The following EFR3A variants were observed in gnomAD, a reference collection of about 807,000 sequenced individuals.
EFR3A encodes the protein protein EFR3 homolog A.
Under a neutral mutation model 104.4 loss-of-function variants are expected in EFR3A, and 76 were observed. That is an observed-to-expected ratio of 0.73 (90% CI 0.60 to 0.88). The LOEUF (loss-of-function observed/expected upper bound fraction) is 0.88. Ranked by LOEUF, EFR3A falls within the 40% of genes least tolerant of loss-of-function variation. The pLI is 0.00. For missense variants in EFR3A, 985 were observed against 1,012.5 expected (o/e 0.97, Z 0.37); for synonymous variants, 330 against 330.0 (o/e 1.00, Z 0.00).
chr8:131,948,417 T>C (rs1341355110), intron 4 of EFR3A, among the ~76,000 whole-genome samples: 2 of 152,182 alleles, frequency 1.3e-5, no homozygotes, highest in Non-Finnish European at 2.9e-5. Context: ...CTGTTAGTTA[T>C]TACTGGTAGT....
At chr8:131,923,509 T>G (rs919079653) in intron 1 of EFR3A, among the ~76,000 whole-genome samples, 8 of 151,754 alleles carry the variant, frequency 5.3e-5, no homozygotes, top group Non-Finnish European at 7.4e-5. Context: ...GGTGTTTTTT[T>G]TTTTTTTTTT....
At chr8:131,906,312 A>T (rs1272051297) in intron 1 of EFR3A, among the ~76,000 whole-genome samples, 2 of 152,216 alleles carry the variant, frequency 1.3e-5, no homozygotes, top group East Asian at 3.8e-4. Context: ...CACAGCTCTT[A>T]GGAGGAAAAC....
intron 3 of EFR3A, among the ~76,000 whole-genome samples, chr8:131,945,237 A>G (rs771608198): frequency 4.0e-5 from 6 of 151,894 alleles, no homozygotes; most frequent in Non-Finnish European, 8.8e-5. Flanking sequence ...GATCCTGTTA[A>G]CCAGATCATT....
chr8:131,991,578 G>A (rs918702353), intron 18 of EFR3A, among the ~76,000 whole-genome samples: 1 of 152,058 alleles, frequency 6.6e-6, no homozygotes, highest in Non-Finnish European at 1.5e-5. Flanking sequence ...TTTTGTGTGA[G>A]GGTTAGGAGG....
chr8:131,994,367 T>C (rs1258012051), intron 18 of EFR3A, among the ~76,000 whole-genome samples: 2 of 152,176 alleles, frequency 1.3e-5, no homozygotes, highest in Non-Finnish European at 2.9e-5. Flanking sequence ...TAGGTGTGTC[T>C]GGGTACTGTT....
At chr8:131,955,436 G>A (rs1424042849) in intron 6 of EFR3A, among the ~76,000 whole-genome samples, 1 of 152,010 alleles carries the variant, frequency 6.6e-6, no homozygotes, top group Non-Finnish European at 1.5e-5. Context: ...CCTAAAGATG[G>A]TCTCTGGGCC....
intron 16 of EFR3A, among the ~76,000 whole-genome samples, chr8:131,985,616 A>C (rs903459956): frequency 6.6e-6 from 1 of 152,242 alleles, no homozygotes; most frequent in Admixed American, 6.5e-5. Flanking sequence ...TTTTTCTTAA[A>C]TTGGAAGCAC....
intron 4 of EFR3A, among the ~76,000 whole-genome samples, chr8:131,949,031 A>G (rs1818572047): frequency 6.6e-6 from 1 of 152,100 alleles, no homozygotes; most frequent in South Asian, 2.1e-4. Flanking sequence ...TTTTTATTGT[A>G]AAGTGTTTCA....
chr8:131,987,282 T>A (rs1281918632), intron 17 of EFR3A, among the ~76,000 whole-genome samples: 1 of 152,128 alleles, frequency 6.6e-6, no homozygotes. Context: ...CATTTAGTGT[T>A]CTTTATTACT....
At chr8:131,985,903 A>G (rs1820850331) in intron 16 of EFR3A, among the ~76,000 whole-genome samples, 1 of 152,204 alleles carries the variant, frequency 6.6e-6, no homozygotes, top group African/African-American at 2.4e-5. Flanking sequence ...GAAAATAGAT[A>G]TTCTTGCTTT....
intron 10 of EFR3A, among the ~76,000 whole-genome samples, chr8:131,973,984 G>C (rs747438253): frequency 1.3e-5 from 2 of 152,196 alleles, no homozygotes; most frequent in Admixed American, 1.3e-4. Context: ...TTTAATAGTC[G>C]TTTGTCTAAT....
chr8:131,907,529 A>G (rs1464594085), intron 1 of EFR3A, among the ~76,000 whole-genome samples: 2 of 152,148 alleles, frequency 1.3e-5, no homozygotes, highest in Non-Finnish European at 2.9e-5. Context: ...GGTCTAGGCA[A>G]ATTTCTTAGG....
At chr8:131,969,689 T>C (rs1038119802) in intron 9 of EFR3A, among the ~76,000 whole-genome samples, 1 of 152,168 alleles carries the variant, frequency 6.6e-6, no homozygotes, top group East Asian at 1.9e-4. Context: ...TTCTGTTTTA[T>C]CTTGTAACTT....
chr8:131,906,804 A>T (rs1411634536), intron 1 of EFR3A, among the ~76,000 whole-genome samples: 2 of 152,224 alleles, frequency 1.3e-5, no homozygotes, highest in African/African-American at 4.8e-5. Flanking sequence ...TTTCAAGACT[A>T]TGCTGCTGAA....
At chr8:131,923,546 A>G (rs1040004986) in intron 1 of EFR3A, among the ~76,000 whole-genome samples, 3 of 149,104 alleles carry the variant, frequency 2.0e-5, no homozygotes, top group African/African-American at 7.4e-5. Flanking sequence ...CCACATTCAG[A>G]TGACTTCTTA....
At chr8:131,985,760 C>T (rs1820841434) in intron 16 of EFR3A, among the ~76,000 whole-genome samples, 3 of 152,126 alleles carry the variant, frequency 2.0e-5, no homozygotes, top group African/African-American at 7.2e-5. Context: ...AAGCAGAGTA[C>T]CTCTTTGCTC....
rs747005089 is a variant in EFR3A at position 132,003,268 on chromosome 8, A to G, written c.2343A>G (p.Ile781Met). Residue 781 changes from isoleucine to methionine, a missense_variant, in exon 22 of 23, where the codon ATA (isoleucine) becomes ATG (methionine). Physicochemically the swap from Ile to Met is conservative, Grantham distance 10. Coordinates refer to ENST00000254624, the MANE Select transcript of EFR3A (RefSeq NM_015137.6). ...TGCTTCATGATAGACTTGCCCAAAT[A>G]TTGGAACTCACCATACGGTAAGGGT... ...ANLLHDRLAQILELTIRPPPS... is the reference protein window; with the variant it reads ...ANLLHDRLAQMLELTIRPPPS... 2 of 1,612,684 alleles carry G rather than the reference A, an allele frequency of 1.2e-6. No homozygotes were observed. The highest frequency in any genetic ancestry group is 1.7e-5 in the Admixed American group (1 of 59,970).
At chr8:131,939,325 C>T (rs906509329) in intron 1 of EFR3A, among the ~76,000 whole-genome samples, 4 of 152,084 alleles carry the variant, frequency 2.6e-5, no homozygotes, top group Non-Finnish European at 4.4e-5. Flanking sequence ...TTCCAAAGCC[C>T]ATGTTCTTTA....
intron 3 of EFR3A, 27 bp downstream of exon 3, chr8:131,944,899 A>C (rs1818356131): frequency 6.3e-7 from 1 of 1,595,374 alleles, no homozygotes; most frequent in Non-Finnish European, 8.5e-7. Context: ...CTGCTAAAAT[A>C]GTATCTTTGG....
Sources: gnomAD v4.1 joint callset for allele counts (sites outside exome capture counted in the v4.1 genomes callset) on GRCh38, gnomAD v4.1.1 for gene constraint, MANE v1.5 for transcripts, NCBI Gene and HGNC (gene_info 2026-07-23, HGNC 2026-07-21) for gene names.